The following WWP2 variants were observed in gnomAD, a reference collection of about 807,000 sequenced individuals.
WWP2 encodes NEDD4-like E3 ubiquitin-protein ligase WWP2.
In WWP2, 57 loss-of-function variants were observed where a neutral mutation model predicts 121.0. That is an observed-to-expected ratio of 0.47 (90% CI 0.38 to 0.59). The LOEUF (loss-of-function observed/expected upper bound fraction) is 0.59, where lower values mean the gene tolerates loss of function less well. Among genes scored for constraint, WWP2 ranks in the 20% least tolerant of loss-of-function variants. The pLI is 0.00. For missense variants in WWP2, 962 were observed against 1,158.9 expected, an observed-to-expected ratio of 0.83 and a Z score of 2.47; for synonymous variants, 449 against 441.3, an observed-to-expected ratio of 1.02 and a Z score of -0.22.
rs368324411 is a variant in WWP2 at position 69,884,272 on chromosome 16, C to T, written c.704-3767C>T. On this transcript the variant is annotated intron_variant, in intron 7 of 23. Coordinates refer to ENST00000359154, the MANE Select transcript of WWP2 (RefSeq NM_001270454.2). ...TATTTGAAGCTAACTTGAAGAGCTT[C>T]GTTCACCTCCCCTTTCCCCACTAAC... Among the ~76,000 whole-genome samples the T allele has an allele frequency of 2.0e-5, 3 of 152,160 alleles. No individual in the cohort carries two copies. In the East Asian group the frequency reaches 5.8e-4, roughly 29 times the overall value.
At position 69,939,057 on chromosome 16, in the gene WWP2, A is replaced by T. The variant is rs1359454696; in HGVS notation, c.2374A>T (p.Ile792Phe). Residue 792 changes from isoleucine to phenylalanine, a missense_variant, in exon 22 of 24, where the codon ATC (isoleucine) becomes TTC (phenylalanine). Transcript: ENST00000359154. ...VVKEMDNEKRIRLLQFVTGTC... is the reference protein window; with the variant it reads ...VVKEMDNEKRFRLLQFVTGTC... Reference sequence around the variant, plus strand: ...GAAGGAGATGGACAACGAGAAGAGGATCCGGCTGCTGCAGTTTGTCACCGG... The same window carrying T: ...GAAGGAGATGGACAACGAGAAGAGGTTCCGGCTGCTGCAGTTTGTCACCGG... The T allele has an allele frequency of 6.2e-7, 1 of 1,606,742 alleles. No homozygotes were observed. Among genetic ancestry groups the T allele is most frequent in the South Asian group, 1.1e-5 (1 of 89,774 alleles).
chr16:69,880,243 T>G lies in WWP2; in HGVS notation c.704-7796T>G, dbSNP rs143928366. 6.9e-3 allele frequency among the ~76,000 whole-genome samples: 1,042 copies of G among 151,738 alleles called. 11 individuals are homozygous for G. Among genetic ancestry groups the G allele is most frequent in the Non-Finnish European group, 0.011 (729 of 67,944 alleles). On this transcript the variant is annotated intron_variant, in intron 7 of 23. Transcript: ENST00000359154. ...CTGGGATCCTATTGTCACAAAGACA[T>G]TAAGTAAACAGTGTCATTTTTTACT...
intron 19 of WWP2, 157 bp downstream of exon 19, chr16:69,936,609 G>A (rs1471223469): frequency 3.7e-5 from 40 of 1,076,260 alleles, no homozygotes; most frequent in Admixed American, 5.1e-5. Flanking sequence ...ATGTGATGGC[G>A]CGAGCTGGGG....
In WWP2 at chr16:69,859,993, C is replaced by T. The variant is rs527276566; in HGVS notation, c.576-11811C>T. 1.8e-4 allele frequency among the ~76,000 whole-genome samples: 27 copies of T among 149,362 alleles called. No individual in the cohort carries two copies. In the South Asian group the frequency reaches 4.4e-3, roughly 24 times the overall value. Reference sequence around the variant, plus strand: ...ACAGGTTTTAGGCATTGGAGGGGGGCTAGAGTGAGAGGGATGTCATTTTAG... The same window carrying T: ...ACAGGTTTTAGGCATTGGAGGGGGGTTAGAGTGAGAGGGATGTCATTTTAG... On this transcript the variant is annotated intron_variant, in intron 6 of 23. Transcript: ENST00000359154.
At chr16:69,824,984 T>G (rs1457756512) in intron 4 of WWP2, among the ~76,000 whole-genome samples, 4 of 152,064 alleles carry the variant, frequency 2.6e-5, no homozygotes, top group Non-Finnish European at 5.9e-5. Context: ...TTGGCCAGGC[T>G]GGTCTCGAAC....
intron 8 of WWP2, among the ~76,000 whole-genome samples, chr16:69,890,232 A>C (rs1164256197): frequency 6.6e-6 from 1 of 151,810 alleles, no homozygotes; most frequent in African/African-American, 2.4e-5. Flanking sequence ...CGGAAGGCAC[A>C]TGTGACCTTT....
chr16:69,862,140 A>G (rs1401664458), intron 6 of WWP2, among the ~76,000 whole-genome samples: 7 of 151,586 alleles, frequency 4.6e-5, no homozygotes, highest in African/African-American at 1.7e-4. Context: ...ATCTCGGCAC[A>G]CTGCAACCTC....
At chr16:69,806,757 C>G (rs1026244383) in intron 4 of WWP2, among the ~76,000 whole-genome samples, 1 of 151,912 alleles carries the variant, frequency 6.6e-6, no homozygotes, top group African/African-American at 2.4e-5. Flanking sequence ...TAAATTTTTG[C>G]TATTTGTGTG....
At chr16:69,857,705 A>C (rs2057343852) in intron 6 of WWP2, among the ~76,000 whole-genome samples, 1 of 123,938 alleles carries the variant, frequency 8.1e-6, no homozygotes, top group South Asian at 2.4e-4. Context: ...TCTGTCACCC[A>C]GGCTGGAGTG....
At chr16:69,763,032 T>A (rs1240002569) in intron 1 of WWP2, among the ~76,000 whole-genome samples, 3 of 152,002 alleles carry the variant, frequency 2.0e-5, no homozygotes, top group Non-Finnish European at 2.9e-5. Context: ...AGATTTTCCC[T>A]GAACGGGCCA....
chr16:69,849,779 G>C (rs2057166569), intron 6 of WWP2, among the ~76,000 whole-genome samples: 1 of 151,866 alleles, frequency 6.6e-6, no homozygotes, highest in South Asian at 2.1e-4. Context: ...CTGCACTCCA[G>C]CCTGGACAAC....
chr16:69,799,095 G>A lies in WWP2; in HGVS notation c.219-79G>A. The stretch of plus-strand genomic sequence containing the variant: ...TTGGTTCCCCCTCCCCAAGATGTCA[G>A]CAGTTTAGTTTAAATGTTTTCTTCT... On this transcript the variant is annotated intron_variant, in intron 3 of 23. Transcript: ENST00000359154. This position sits in a 1 kb window ranked among gnomAD's most constrained non-coding sequence, Gnocchi z 4.5. 6.5e-7 allele frequency: 1 copy of A among 1,542,696 alleles called. No individual in the cohort carries two copies. The highest frequency in any genetic ancestry group is 8.7e-7 in the Non-Finnish European group (1 of 1,145,726).
chr16:69,939,771 G>T, intron 23 of WWP2, 70 bp from the exon 24 acceptor site: 1 of 1,419,422 alleles, frequency 7.0e-7, no homozygotes, highest in Non-Finnish European at 9.7e-7. Context: ...CCTGCTGCAG[G>T]CAGGCATGGT....
intron 9 of WWP2, among the ~76,000 whole-genome samples, chr16:69,912,991 TATA>T (rs1460009975): frequency 4.1e-4 from 1 of 2,414 alleles, no homozygotes; most frequent in Admixed American, 7.0e-3. Flanking sequence ...TATATATATA[TATA>T]TTTTTTTTTT....
At chr16:69,826,267 C>CAA (rs71151139) in intron 4 of WWP2, among the ~76,000 whole-genome samples, 8 of 133,410 alleles carry the variant, frequency 6.0e-5, no homozygotes, top group South Asian at 2.5e-4. Flanking sequence ...AACTCCGTCT[C>CAA]AAAAAAAAAA....
At chr16:69,776,929 G>T (rs1285540748) in intron 1 of WWP2, among the ~76,000 whole-genome samples, 1 of 152,018 alleles carries the variant, frequency 6.6e-6, no homozygotes, top group East Asian at 1.9e-4. Flanking sequence ...TGTAGTGTTT[G>T]TTTAATCTAA....
chr16:69,811,235 CT>C (rs1228315831), intron 4 of WWP2, among the ~76,000 whole-genome samples: 3 of 152,140 alleles, frequency 2.0e-5, no homozygotes, highest in Admixed American at 2.0e-4. Context: ...CAGACTTTGG[CT>C]TTCCCAGAAT....
At chr16:69,939,443 G>T (rs1160895305) in intron 23 of WWP2, 30 bp downstream of exon 23, 2 of 1,612,626 alleles carry the variant, frequency 1.2e-6, no homozygotes, top group Non-Finnish European at 1.7e-6. Context: ...TGGGAGGTCG[G>T]GGGGCCTCAG....
intron 7 of WWP2, among the ~76,000 whole-genome samples, chr16:69,886,320 T>A (rs1301510677): frequency 6.6e-6 from 1 of 152,164 alleles, no homozygotes; most frequent in Non-Finnish European, 1.5e-5. Context: ...CAAGCAATCC[T>A]CCTGCTTCAG....
Sources: gnomAD v4.1 joint callset for allele counts (sites outside exome capture counted in the v4.1 genomes callset) on GRCh38, gnomAD v4.1.1 for gene constraint, Gnocchi (gnomAD v3.1) non-coding constraint, MANE v1.5 for transcripts, NCBI Gene and HGNC (gene_info 2026-07-23, HGNC 2026-07-21) for gene names.